Variants in DST observed in about 807,000 individuals in gnomAD.
DST encodes the protein dystonin.
Under a neutral mutation model 875.2 loss-of-function variants are expected in DST, and 253 were observed. That is an observed-to-expected ratio of 0.29 (90% CI 0.26 to 0.32). DST has a LOEUF of 0.32. Among genes scored for constraint, DST ranks in the 10% least tolerant of loss-of-function variants. DST has a pLI of 1.00. For synonymous variants in DST, 3,124 were observed against 3,197.1 expected (o/e 0.98, Z 0.77); for missense variants, 8,287 against 9,111.6 (o/e 0.91, Z 3.68).
At position 56,648,611 on chromosome 6, in the gene DST, T is replaced by C. The variant is rs371319912; in HGVS notation, c.1513A>G (p.Met505Val). ...IQWIRHHVTT[M>V]SERTFPNNPV... is the part of the protein sequence containing the mutation. ...TTATTAGGAAATGTTCTCTCAGACA[T>C]TGTGGTCACATGGTGTCTAATCCAT... Residue 505 changes from methionine (M) to valine (V), a missense_variant, in exon 13 of 104, where the codon ATG becomes GTG. Around this residue, in one of 10 missense-constraint regions of DST, gnomAD observed 1,160 missense variants for 1,424.3 expected, o/e 0.81. Coordinates refer to ENST00000680361, the MANE Select transcript of DST (RefSeq NM_001374736.1). 108 of 1,590,230 alleles carry C rather than the reference T, an allele frequency of 6.8e-5. No individual in the cohort carries two copies. The highest frequency in any genetic ancestry group is 2.4e-4 in the Admixed American group (14 of 57,166).
At chr6:56,876,709 C>T (rs6926057) in intron 3 of DST, among the ~76,000 whole-genome samples, 3,170 of 152,290 alleles carry the variant, frequency 0.021, 100 homozygotes, top group African/African-American at 0.072. Context: ...AATCCCTCGA[C>T]AAATGTCCAA....
chr6:56,935,524 A>C (rs767802172), intron 2 of DST, among the ~76,000 whole-genome samples: 2 of 152,258 alleles, frequency 1.3e-5, no homozygotes, highest in Non-Finnish European at 2.9e-5. Flanking sequence ...TTGTAAACTC[A>C]TCAGTAAATA....
chr6:56,692,807 C>A (rs1194421542), intron 9 of DST: 5 of 1,289,716 alleles, frequency 3.9e-6, no homozygotes, highest in Middle Eastern at 2.1e-4. Context: ...CTGCTTACAG[C>A]ACTCGGCAGA....
intron 4 of DST, among the ~76,000 whole-genome samples, chr6:56,768,133 T>TA (rs34510674): frequency 6.6e-6 from 1 of 152,148 alleles, no homozygotes; most frequent in Non-Finnish European, 1.5e-5. Flanking sequence ...GACTTGTGTT[T>TA]AAAAAGGTAA....
intron 3 of DST, among the ~76,000 whole-genome samples, chr6:56,873,385 A>T (rs1282029350): frequency 2.6e-5 from 4 of 152,134 alleles, no homozygotes; most frequent in African/African-American, 9.7e-5. Context: ...TGTGCTTTTG[A>T]GGTCTTACTG....
At chr6:56,663,153 T>C (rs915671399) in intron 10 of DST, among the ~76,000 whole-genome samples, 32 of 152,154 alleles carry the variant, frequency 2.1e-4, no homozygotes, top group African/African-American at 7.5e-4. Context: ...ACCATATAGA[T>C]ACAATAAAAA....
chr6:56,501,809 G>A (rs2096135778), intron 78 of DST, 116 bp from the exon 79 acceptor site: 6 of 684,344 alleles, frequency 8.8e-6, no homozygotes, highest in Non-Finnish European at 1.3e-5. Flanking sequence ...GGGAGGTGAC[G>A]CAAAGTAAAA....
In DST at chr6:56,694,865, GC is replaced by G; in HGVS notation, c.1047+4787del. 3.9e-5 allele frequency among the ~76,000 whole-genome samples: 6 copies of G among 152,214 alleles called. 1 individual carries two copies. Among genetic ancestry groups the G allele is most frequent in the Admixed American group, 3.9e-4 (6 of 15,286 alleles). On this transcript the variant is annotated intron_variant, in intron 9 of 103. Transcript: ENST00000680361. Reference sequence around the variant, plus strand: ...TTTGAGGCCAGCAACGGCAGTTCATGCCTGTAATCCCAGCACTTTGGGAGGC... The same window carrying G: ...TTTGAGGCCAGCAACGGCAGTTCATGCTGTAATCCCAGCACTTTGGGAGGC...
chr6:56,540,590 C>G (rs77209449), intron 61 of DST: 3 of 152,736 alleles, frequency 2.0e-5, no homozygotes, highest in Non-Finnish European at 2.9e-5. Context: ...GAGTTCCCTA[C>G]TTTGTGCTGT....
At position 56,526,471 on chromosome 6, in the gene DST, C is replaced by G. The variant is rs972813969; in HGVS notation, c.18019G>C (p.Glu6007Gln). ...LLELVPWRAR[E>Q]GLEKMVAEDN... is the part of the protein sequence containing the mutation. ...TCAGCTACCATTTTCTCAAGTCCTT[C>G]TCTTGCCCTCCATGGTACCAGTTCC... Residue 6007 changes from glutamate to glutamine, a missense_variant, in exon 69 of 104, where the codon GAA (glutamate) becomes CAA (glutamine). Around this residue, in one of 10 missense-constraint regions of DST, gnomAD observed 777 missense variants for 764.8 expected, o/e 1.02. Transcript: ENST00000680361. 1 of 1,613,776 alleles carries G rather than the reference C, an allele frequency of 6.2e-7. No homozygotes were observed. The highest frequency in any genetic ancestry group is 1.3e-5 in the African/African-American group (1 of 74,900).
chr6:56,575,570 T>C (rs974149271), intron 50 of DST, among the ~76,000 whole-genome samples: 6 of 152,122 alleles, frequency 3.9e-5, no homozygotes, highest in African/African-American at 1.4e-4. Context: ...GAGTGTTAGT[T>C]TGCTATAGAC....
In DST at chr6:56,508,304, G is replaced by A. The variant is rs140403034; in HGVS notation, c.19239+225C>T. 7.2e-4 allele frequency among the ~76,000 whole-genome samples: 110 copies of A among 152,220 alleles called. 1 individual carries two copies. The Middle Eastern group carries it at 0.014, about 19-fold the overall frequency. On this transcript the variant is annotated intron_variant, in intron 75 of 103. Transcript: ENST00000680361. Reference sequence around the variant, plus strand: ...CCACCTCGGCCTCCCAAAGTTCTGGGAATACAGGCATGAGCCACCACGCAG... The same window carrying A: ...CCACCTCGGCCTCCCAAAGTTCTGGAAATACAGGCATGAGCCACCACGCAG...
At chr6:56,871,555 C>A in intron 3 of DST, 1 of 1,060,714 alleles carries the variant, frequency 9.4e-7, no homozygotes, top group Non-Finnish European at 1.4e-6. Flanking sequence ...ATAAACAAAG[C>A]ACCTAAGACA....
chr6:56,565,904 G>A (rs897507218), intron 55 of DST, among the ~76,000 whole-genome samples: 7 of 152,228 alleles, frequency 4.6e-5, no homozygotes, highest in African/African-American at 1.7e-4. Flanking sequence ...CAAAGAGGAG[G>A]AATCTAGAGA....
intron 9 of DST, among the ~76,000 whole-genome samples, chr6:56,687,903 G>A (rs2099199418): frequency 1.3e-5 from 2 of 152,060 alleles, no homozygotes; most frequent in Admixed American, 1.3e-4. Context: ...GTGAAATGGA[G>A]AACAAAAGTA....
chr6:56,880,413 C>T (rs975888431), intron 3 of DST, among the ~76,000 whole-genome samples: 4 of 152,190 alleles, frequency 2.6e-5, no homozygotes, highest in African/African-American at 9.7e-5. Flanking sequence ...TTAGGCCAGG[C>T]GCAGTGGCCC....
intron 5 of DST, among the ~76,000 whole-genome samples, chr6:56,729,568 T>C (rs896044012): frequency 1.3e-5 from 2 of 149,808 alleles, no homozygotes; most frequent in Non-Finnish European, 3.0e-5. Flanking sequence ...GATCGCACCA[T>C]TGCACTCCAG....
At chr6:56,654,933 G>T (rs533983089) in intron 10 of DST, among the ~76,000 whole-genome samples, 1 of 152,014 alleles carries the variant, frequency 6.6e-6, no homozygotes, top group Non-Finnish European at 1.5e-5. Context: ...GGCCGAGATG[G>T]GAGGATCACC....
intron 87 of DST, among the ~76,000 whole-genome samples, chr6:56,486,275 A>C (rs1431180943): frequency 2.1e-5 from 3 of 144,850 alleles, no homozygotes; most frequent in African/African-American, 7.6e-5. Flanking sequence ...AGGCAGGAGA[A>C]TGGCGTGAAC....
Sources: allele counts gnomAD v4.1 joint callset (sites outside exome capture counted in the v4.1 genomes callset), GRCh38; gene constraint gnomAD v4.1.1; regional missense constraint gnomAD v4.1.1; transcripts MANE v1.5; gene names NCBI Gene and HGNC (gene_info 2026-07-23, HGNC 2026-07-21).